STOX1: variants seen among roughly 807,000 people sequenced by gnomAD.
STOX1 encodes storkhead box 1.
Under a neutral mutation model 74.8 loss-of-function variants are expected in STOX1, and 57 were observed. The ratio of observed to expected loss-of-function variants is 0.76; its 90% CI spans 0.62 to 0.95. The LOEUF is 0.95. Among genes scored for constraint, STOX1 ranks in the 40% least tolerant of loss-of-function variants. The probability of loss-of-function intolerance (pLI) is 0.00; values close to 1 mark genes in which losing one functional copy is unlikely to be tolerated. For synonymous variants in STOX1, 375 were observed against 401.3 expected (o/e 0.93, Z 0.78); for missense variants, 1,010 against 1,117.0 (o/e 0.90, Z 1.37).
At position 68,884,679 on chromosome 10, in the gene STOX1, A is replaced by G. The variant is rs1840894150; in HGVS notation, c.883A>G (p.Ser295Gly). The change falls in exon 3 of 4, where the codon AGC (serine) becomes GGC (glycine). Residue 295 changes from serine (S) to glycine (G), a missense_variant. Physicochemically the swap from Ser to Gly is moderately conservative, Grantham distance 56. Transcript: ENST00000298596. Reference sequence around the variant, plus strand: ...GTCTGCGGAGCACCACATTTGTGAGAGCACCAAACCTTTACCATACACAAG... The same window carrying G: ...GTCTGCGGAGCACCACATTTGTGAGGGCACCAAACCTTTACCATACACAAG... ...SVSAEHHICESTKPLPYTRDK... is the reference protein window; with the variant it reads ...SVSAEHHICEGTKPLPYTRDK... The G allele has an allele frequency of 1.9e-6, 3 of 1,614,200 alleles. No homozygotes were observed. Among genetic ancestry groups the G allele is most frequent in the Non-Finnish European group, 2.5e-6 (3 of 1,180,042 alleles).
chr10:68,864,202 G>A (rs1023460163), intron 1 of STOX1, among the ~76,000 whole-genome samples: 2 of 152,078 alleles, frequency 1.3e-5, no homozygotes, highest in Non-Finnish European at 2.9e-5. Context: ...GGGATTACAG[G>A]CGTGAGCCAC....
rs1045279719 is a variant in STOX1 at position 68,853,819 on chromosome 10, C to T, written c.310+25886C>T. On this transcript the variant is annotated intron_variant, in intron 1 of 3. Transcript: ENST00000298596. ...TCCTGCCTCAGCCTCCCAAGTATCT[C>T]GGATTACAGGCATCAGCCACCATGC... is the stretch of plus-strand genomic sequence containing the variant. Among the ~76,000 whole-genome samples, 34 of 151,118 alleles carry T rather than the reference C, an allele frequency of 2.2e-4. 1 individual carries two copies. The highest frequency in any genetic ancestry group is 7.1e-4 in the African/African-American group (29 of 41,050).
intron 3 of STOX1, among the ~76,000 whole-genome samples, chr10:68,890,272 T>A (rs2132006271): frequency 6.6e-6 from 1 of 152,014 alleles, no homozygotes; most frequent in Non-Finnish European, 1.5e-5. Flanking sequence ...CTCAAGCAAA[T>A]CAGCCTCCTG....
chr10:68,892,592 A>C lies in STOX1; in HGVS notation c.2826A>C (p.Thr942=). ...CTGTTATTTTTAATATCTTTAGGAC[A>C]CAGAGTCTGGGATCTAATAATTCAG... is the stretch of plus-strand genomic sequence containing the variant. The part of the protein sequence containing the change: ...AGDSGIDSPR[T]QSLGSNNSVI... Residue 942 remains threonine (T), a synonymous_variant, in exon 4 of 4, where the codon ACA becomes ACC. Coordinates refer to ENST00000298596, the MANE Select transcript of STOX1 (RefSeq NM_152709.5). 1.2e-6 allele frequency: 2 copies of C among 1,613,440 alleles called. No homozygotes were observed. Among genetic ancestry groups the C allele is most frequent in the Non-Finnish European group, 1.7e-6 (2 of 1,179,466 alleles).
At chr10:68,838,909 C>CAA (rs36040611) in intron 1 of STOX1, among the ~76,000 whole-genome samples, 307 of 115,492 alleles carry the variant, frequency 2.7e-3, no homozygotes, top group African/African-American at 8.4e-3. Context: ...GACTCTGTCT[C>CAA]AAAAAAAAAA....
intron 2 of STOX1, 106 bp from the exon 3 acceptor site, chr10:68,884,154 G>A: frequency 2.0e-6 from 2 of 994,636 alleles, no homozygotes; most frequent in South Asian, 1.4e-5. Context: ...GTTACAATCA[G>A]CTCTGGGTTT....
chr10:68,829,543 A>G (rs1219557210), intron 1 of STOX1, among the ~76,000 whole-genome samples: 1 of 152,118 alleles, frequency 6.6e-6, no homozygotes, highest in Non-Finnish European at 1.5e-5. Context: ...AAGAAAGAAA[A>G]GAAAAAAAGC....
intron 1 of STOX1, among the ~76,000 whole-genome samples, chr10:68,850,935 G>A (rs982167770): frequency 6.6e-6 from 1 of 152,020 alleles, no homozygotes; most frequent in Non-Finnish European, 1.5e-5. Context: ...TCGAGCCACT[G>A]CACCCCAGCC....
At chr10:68,832,267 G>A (rs952746571) in intron 1 of STOX1, among the ~76,000 whole-genome samples, 8 of 152,250 alleles carry the variant, frequency 5.3e-5, no homozygotes, top group African/African-American at 1.9e-4. Context: ...AAGATTAACG[G>A]TGGGGGTGGG....
intron 1 of STOX1, among the ~76,000 whole-genome samples, chr10:68,841,963 A>G (rs1005377870): frequency 1.3e-5 from 2 of 152,136 alleles, no homozygotes; most frequent in African/African-American, 4.8e-5. Context: ...TGGAGTGGAC[A>G]GAGATCACAG....
At chr10:68,835,879 GT>G (rs1839535207) in intron 1 of STOX1, among the ~76,000 whole-genome samples, 1 of 151,970 alleles carries the variant, frequency 6.6e-6, no homozygotes, top group Non-Finnish European at 1.5e-5. Context: ...GAGCTCAATT[GT>G]TTTTTTCTTT....
At chr10:68,870,796 G>A (rs1840517978) in intron 1 of STOX1, among the ~76,000 whole-genome samples, 1 of 152,148 alleles carries the variant, frequency 6.6e-6, no homozygotes, top group Non-Finnish European at 1.5e-5. Context: ...CAAGGAAATA[G>A]TGACTGCCGT....
At chr10:68,830,963 G>A (rs1256606571) in intron 1 of STOX1, among the ~76,000 whole-genome samples, 1 of 152,182 alleles carries the variant, frequency 6.6e-6, no homozygotes. Context: ...GTCCTGGAGG[G>A]TGGCGAAGGC....
At chr10:68,872,460 T>G (rs7089913) in intron 1 of STOX1, among the ~76,000 whole-genome samples, 1 of 151,468 alleles carries the variant, frequency 6.6e-6, no homozygotes, top group Non-Finnish European at 1.5e-5. Flanking sequence ...ATTCTCCTGC[T>G]TCAGCCTCCA....
intron 3 of STOX1, among the ~76,000 whole-genome samples, chr10:68,892,096 C>T (rs1016734928): frequency 1.3e-5 from 2 of 152,068 alleles, no homozygotes; most frequent in Admixed American, 6.6e-5. Context: ...GCTGGGATTA[C>T]AGAGCCTACC....
In STOX1 at chr10:68,892,965, T is replaced by C. The variant is rs1842292814; in HGVS notation, c.*229T>C. ...GAGTTTATTGGGAGTATATAGATTA[T>C]TTTCGATTAAAAAGTGGAATTATTG... On this transcript the variant is annotated 3_prime_UTR_variant, in exon 4 of 4. Transcript: ENST00000298596. 1.2e-5 allele frequency: 5 copies of C among 426,280 alleles called. No individual in the cohort carries two copies. Among genetic ancestry groups the C allele is most frequent in the South Asian group, 1.2e-4 (3 of 25,650 alleles). The allele number at this position is 426,280 out of a possible 1,614,324, so 26.4% of individuals were successfully genotyped here.
intron 1 of STOX1, among the ~76,000 whole-genome samples, chr10:68,860,794 C>T (rs558724511): frequency 2.0e-5 from 3 of 152,068 alleles, no homozygotes; most frequent in Admixed American, 6.6e-5. Flanking sequence ...TGAGGTATGC[C>T]TCTCAGAAAT....
intron 1 of STOX1, among the ~76,000 whole-genome samples, chr10:68,856,626 G>GATT (rs1284992512): frequency 1.3e-5 from 2 of 152,062 alleles, no homozygotes; most frequent in African/African-American, 4.8e-5. Flanking sequence ...GGGAACTAAG[G>GATT]ATTAGAGGAG....
chr10:68,861,484 G>A (rs1346697053), intron 1 of STOX1, among the ~76,000 whole-genome samples: 3 of 152,140 alleles, frequency 2.0e-5, no homozygotes, highest in African/African-American at 4.8e-5. Context: ...GAGCATCATA[G>A]CCATCATGAG....
Sources: allele counts gnomAD v4.1 joint callset (sites outside exome capture counted in the v4.1 genomes callset), GRCh38; gene constraint gnomAD v4.1.1; transcripts MANE v1.5; gene names NCBI Gene and HGNC (gene_info 2026-07-23, HGNC 2026-07-21).